The following CDH13 variants were observed in gnomAD, a reference collection of about 807,000 sequenced individuals.
CDH13 encodes cadherin 13, also known as cadherin-13.
A neutral mutation model predicts 63.8 loss-of-function variants in CDH13; 24 were observed. That is an observed-to-expected ratio of 0.38 (90% CI 0.27 to 0.53). CDH13 has a LOEUF of 0.53. Among genes scored for constraint, CDH13 ranks in the 20% least tolerant of loss-of-function variants. CDH13 has a pLI of 0.85. For missense variants in CDH13, 1,049 were observed against 903.1 expected (o/e 1.16, Z -2.07); for synonymous variants, 503 against 355.3 (o/e 1.42, Z -4.67).
intron 10 of CDH13, chr16:83,710,687 G>A (rs770981865): frequency 8.5e-5 from 13 of 152,158 alleles, no homozygotes; most frequent in Non-Finnish European, 1.3e-4. Context: ...CTCTAAACCA[G>A]AGTTTCCTTG....
At chr16:82,713,564 C>G (rs2032121203) in intron 1 of CDH13, among the ~76,000 whole-genome samples, 1 of 151,988 alleles carries the variant, frequency 6.6e-6, no homozygotes, top group Non-Finnish European at 1.5e-5. Flanking sequence ...AGTACGGACT[C>G]AGAGGTTGCA....
intron 3 of CDH13, among the ~76,000 whole-genome samples, chr16:83,121,525 G>T (rs978500983): frequency 1.3e-5 from 2 of 152,234 alleles, no homozygotes; most frequent in Non-Finnish European, 2.9e-5. Flanking sequence ...TTAGAGTAGT[G>T]ATGGTGAGGG....
intron 7 of CDH13, among the ~76,000 whole-genome samples, chr16:83,570,017 G>A (rs1904426067): frequency 6.6e-6 from 1 of 152,128 alleles, no homozygotes; most frequent in Non-Finnish European, 1.5e-5. Flanking sequence ...TTACAGGAGT[G>A]AGCCACCGTG....
intron 6 of CDH13, among the ~76,000 whole-genome samples, chr16:83,482,272 A>T (rs548614068): frequency 6.6e-6 from 1 of 152,328 alleles, no homozygotes; most frequent in African/African-American, 2.4e-5. Context: ...GGGCTTACAA[A>T]ATGAACACAA....
chr16:83,097,211 T>C (rs1377529618), intron 3 of CDH13, among the ~76,000 whole-genome samples: 1 of 152,166 alleles, frequency 6.6e-6, no homozygotes, highest in Non-Finnish European at 1.5e-5. Context: ...TATGAAACAT[T>C]TCTGTATATG....
intron 3 of CDH13, among the ~76,000 whole-genome samples, chr16:83,051,430 T>C (rs915765476): frequency 2.0e-5 from 3 of 152,232 alleles, no homozygotes; most frequent in African/African-American, 7.2e-5. Context: ...TAACAATGTA[T>C]ATTTTTAGCC....
intron 2 of CDH13, among the ~76,000 whole-genome samples, chr16:82,960,223 C>T (rs1470632825): frequency 1.3e-5 from 2 of 152,002 alleles, no homozygotes; most frequent in Non-Finnish European, 2.9e-5. Context: ...TGATGAGAAG[C>T]AGTAGGATAA....
At chr16:83,671,927 C>T (rs1202543873) in intron 9 of CDH13, among the ~76,000 whole-genome samples, 2 of 152,230 alleles carry the variant, frequency 1.3e-5, no homozygotes, top group Non-Finnish European at 1.5e-5. Flanking sequence ...CATTTCTACA[C>T]AGTTTCACTC....
intron 1 of CDH13, among the ~76,000 whole-genome samples, chr16:82,716,157 C>G (rs572666323): frequency 6.6e-6 from 1 of 152,166 alleles, no homozygotes; most frequent in Non-Finnish European, 1.5e-5. Flanking sequence ...CCATGGCACT[C>G]CTCAATCCCC....
At chr16:83,059,324 G>T (rs986593287) in intron 3 of CDH13, among the ~76,000 whole-genome samples, 1 of 152,086 alleles carries the variant, frequency 6.6e-6, no homozygotes, top group Non-Finnish European at 1.5e-5. Context: ...AGGGAGAGCG[G>T]GTGTTAACTG....
intron 10 of CDH13, among the ~76,000 whole-genome samples, chr16:83,698,523 T>C (rs547376275): frequency 1.1e-4 from 16 of 152,326 alleles, no homozygotes; most frequent in Admixed American, 2.6e-4. Flanking sequence ...GGAAAGTTGA[T>C]GCGGCCAGGA....
At chr16:83,399,644 T>C (rs1310981280) in intron 6 of CDH13, among the ~76,000 whole-genome samples, 1 of 152,162 alleles carries the variant, frequency 6.6e-6, no homozygotes, top group Non-Finnish European at 1.5e-5. Context: ...GATGAGGTCA[T>C]AAAAGGCCAT....
chr16:82,771,989 C>G (rs2035287278), intron 1 of CDH13, among the ~76,000 whole-genome samples: 1 of 152,202 alleles, frequency 6.6e-6, no homozygotes, highest in Non-Finnish European at 1.5e-5. Context: ...GGCAGGGGCA[C>G]AAGTTGTCAG....
At chr16:82,978,126 A>G (rs558982133) in intron 2 of CDH13, among the ~76,000 whole-genome samples, 109 of 152,280 alleles carry the variant, frequency 7.2e-4, no homozygotes, top group African/African-American at 2.4e-3. Context: ...TGGCAGAATA[A>G]ATCTCCAAGC....
intron 10 of CDH13, among the ~76,000 whole-genome samples, chr16:83,714,012 T>C (rs1908495726): frequency 6.6e-6 from 1 of 152,190 alleles, no homozygotes; most frequent in African/African-American, 2.4e-5. Flanking sequence ...TGCTCACTTG[T>C]CCAGAGTAGA....
At chr16:82,668,585 G>T (rs12931866) in intron 1 of CDH13, among the ~76,000 whole-genome samples, 106,799 of 152,074 alleles carry the variant, frequency 0.7, 38,277 homozygotes, top group East Asian at 0.94. Context: ...CTGAGATGGT[G>T]TGAACAATGA....
intron 3 of CDH13, among the ~76,000 whole-genome samples, chr16:83,091,859 T>A (rs2033929029): frequency 6.6e-6 from 1 of 152,192 alleles, no homozygotes; most frequent in Non-Finnish European, 1.5e-5. Flanking sequence ...AAAAGAAATC[T>A]TTACTCCAAA....
chr16:83,758,071 G>A (rs1033683669), intron 11 of CDH13, among the ~76,000 whole-genome samples: 3 of 146,546 alleles, frequency 2.0e-5, no homozygotes, highest in African/African-American at 7.7e-5. Context: ...ATCTTAACTA[G>A]CCCAGTGCTT....
intron 2 of CDH13, among the ~76,000 whole-genome samples, chr16:82,943,777 G>A (rs879062849): frequency 6.6e-6 from 1 of 152,324 alleles, no homozygotes; most frequent in South Asian, 2.1e-4. Flanking sequence ...TGTCTCTCAA[G>A]GTAGTGTCTT....
Sources: gnomAD v4.1 joint callset for allele counts (sites outside exome capture counted in the v4.1 genomes callset) on GRCh38, gnomAD v4.1.1 for gene constraint, MANE v1.5 for transcripts, NCBI Gene and HGNC (gene_info 2026-07-23, HGNC 2026-07-21) for gene names.